The following TST variants were observed in gnomAD, a reference collection of about 807,000 sequenced individuals.
TST encodes thiosulfate sulfurtransferase.
TST carries 22 observed loss-of-function variants against 20.4 expected under a neutral mutation model. The observed-to-expected ratio is 1.08, with a 90% CI of 0.77 to 1.54. The LOEUF (loss-of-function observed/expected upper bound fraction) is 1.54, where lower values mean the gene tolerates loss of function less well. TST is among the 40% of genes most tolerant of loss of function. The pLI, the probability that TST is intolerant of heterozygous loss-of-function variation, is 0.00. For synonymous variants in TST, 187 were observed against 173.8 expected (o/e 1.08, Z -0.60); for missense variants, 392 against 405.2 (o/e 0.97, Z 0.28).
In TST at chr22:37,011,147, G is replaced by C; in HGVS notation, c.774C>G (p.Ala258=). Residue 258 remains alanine, a synonymous_variant, in exon 3 of 3, where the codon GCC becomes GCG. Coordinates refer to ENST00000249042, the MANE Select transcript of TST (RefSeq NM_003312.6). The stretch of plus-strand genomic sequence containing the variant: ...GCTTGCCGCAGAGGTAGGCAGCCAA[G>C]GCCACGTGGCAGGCGGTGACTCCCT... ...CRKGVTACHV[A]LAAYLCGKPD... is the part of the protein sequence containing the mutation. 6.2e-7 allele frequency: 1 copy of C among 1,613,792 alleles called. No individual in the cohort carries two copies. The highest frequency in any genetic ancestry group is 8.5e-7 in the Non-Finnish European group (1 of 1,180,034).
intron 2 of TST, among the ~76,000 whole-genome samples, chr22:37,012,729 C>A (rs1464298982): frequency 6.6e-6 from 1 of 152,200 alleles, no homozygotes; most frequent in Non-Finnish European, 1.5e-5. Flanking sequence ...GAGCCTCAGT[C>A]TCCCTCCTGC....
intron 2 of TST, among the ~76,000 whole-genome samples, chr22:37,012,685 G>A (rs1028246058): frequency 6.6e-6 from 1 of 152,170 alleles, no homozygotes; most frequent in African/African-American, 2.4e-5. Context: ...GCATATACTG[G>A]GGCTGGGTAC....
intron 1 of TST, chr22:37,019,099 G>A (rs1448179044): frequency 5.0e-5 from 10 of 198,336 alleles, no homozygotes; most frequent in Non-Finnish European, 1.0e-4. Flanking sequence ...TGCCCGGGAT[G>A]GGGGGCGATG....
intron 2 of TST, among the ~76,000 whole-genome samples, chr22:37,014,487 T>C (rs1922602480): frequency 6.6e-6 from 1 of 152,224 alleles, no homozygotes; most frequent in Non-Finnish European, 1.5e-5. Flanking sequence ...TGGCTCTCCC[T>C]GCCCCCAGCA....
In TST at chr22:37,018,237, C is replaced by T. The variant is rs370281300; in HGVS notation, c.496G>A (p.Glu166Lys). 150 of 1,613,842 alleles carry T rather than the reference C, an allele frequency of 9.3e-5. No individual in the cohort carries two copies. The highest frequency in any genetic ancestry group is 8.9e-4 in the East Asian group (40 of 44,892). ...TLDRSLLKTY[E>K]QVLENLESKR... is the part of the protein sequence containing the mutation. ...GATTCAAGGTTCTCCAGCACCTGCT[C>T]GTAGGTCTTGAGCAGGGAGCGGTCC... Residue 166 changes from glutamate (E) to lysine (K), a missense_variant, in exon 2 of 3, where the codon GAG (glutamate) becomes AAG (lysine). Transcript: ENST00000249042.
At chr22:37,017,989 C>G in intron 2 of TST, 149 bp downstream of exon 2, 2 of 621,390 alleles carry the variant, frequency 3.2e-6, no homozygotes, top group Non-Finnish European at 5.2e-6. Context: ...TTTGTCTCCA[C>G]TTTCTGGTTT....
Position 37,018,627 on chromosome 22 carries a change from A to G in TST, c.106T>C (p.Trp36Arg). The change falls in exon 2 of 3, where the codon TGG becomes CGG. Residue 36 changes from tryptophan (W) to arginine (R), a missense_variant. Transcript: ENST00000249042. Reference protein sequence around the residue: ...GPGLRVLDASWYSPGTREARK... With the variant: ...GPGLRVLDASRYSPGTREARK... ...GCCTCTCGGGTGCCTGGTGAGTACCAGGACGCGTCCAGCACCCGCAGGCCG... is the reference window on the plus strand; with the variant it reads ...GCCTCTCGGGTGCCTGGTGAGTACCGGGACGCGTCCAGCACCCGCAGGCCG... The G allele has an allele frequency of 1.3e-6, 2 of 1,572,888 alleles. No individual in the cohort carries two copies. Among genetic ancestry groups the G allele is most frequent in the Non-Finnish European group, 1.7e-6 (2 of 1,159,564 alleles).
intron 2 of TST, among the ~76,000 whole-genome samples, chr22:37,014,092 G>A (rs532929540): frequency 0.36 from 124 of 342 alleles, 1 homozygote; most frequent in Non-Finnish European, 0.26. Flanking sequence ...GGCCGGGCGC[G>A]GTGGCTACGC....
rs900257476 is a variant in TST, at chr22:37,011,067, G to A, written c.854C>T (p.Pro285Leu). 3.1e-6 allele frequency: 5 copies of A among 1,611,736 alleles called. No individual in the cohort carries two copies. Among genetic ancestry groups the A allele is most frequent in the African/African-American group, 1.3e-5 (1 of 74,868 alleles). ...SWSEWFRRAP[P>L]ESRVSQGKSE... ...CTTTCCCTGGGACACACGGCTCTCTGGGGGGGCCCGGCGAAACCACTCGGA... is the reference window on the plus strand; with the variant it reads ...CTTTCCCTGGGACACACGGCTCTCTAGGGGGGCCCGGCGAAACCACTCGGA... The change falls in exon 3 of 3, where the codon CCA (proline) becomes CTA (leucine). Residue 285 changes from proline to leucine, a missense_variant. By Grantham distance (98) the Pro-to-Leu change is moderately conservative (BLOSUM62 -3). Coordinates refer to ENST00000249042, the MANE Select transcript of TST (RefSeq NM_003312.6).
rs1188898003 is a variant in TST at position 37,015,501 on chromosome 22, C to T, written c.595+2637G>A. ...CCTGAGGCTAAGCATCAGTATCACA[C>T]CTGGATGGAACCTCAGATCTGGCTG... On this transcript the variant is annotated intron_variant, in intron 2 of 2. Coordinates refer to ENST00000249042, the MANE Select transcript of TST (RefSeq NM_003312.6). 3.3e-5 allele frequency among the ~76,000 whole-genome samples: 5 copies of T among 152,250 alleles called. No individual in the cohort carries two copies. The East Asian group carries it at 9.6e-4, about 29-fold the overall frequency.
rs183467100 is a variant in TST at position 37,012,673 on chromosome 22, A to G, written c.596-1348T>C. Reference sequence around the variant, plus strand: ...GGGAAGGATCTGACTAGTGTGGCCAAGGCATATACTGGGGCTGGGTACAGC... The same window carrying G: ...GGGAAGGATCTGACTAGTGTGGCCAGGGCATATACTGGGGCTGGGTACAGC... On this transcript the variant is annotated intron_variant, in intron 2 of 2. Transcript: ENST00000249042. Among the ~76,000 whole-genome samples the G allele has an allele frequency of 3.9e-5, 6 of 152,338 alleles. No individual in the cohort carries two copies. The East Asian group carries it at 9.7e-4, about 25-fold the overall frequency.
intron 2 of TST, among the ~76,000 whole-genome samples, chr22:37,017,520 C>T (rs1922723694): frequency 6.6e-6 from 1 of 152,202 alleles, no homozygotes; most frequent in African/African-American, 2.4e-5. Context: ...AAAACAGGGG[C>T]ATTGAGCTTT....
Position 37,010,997 on chromosome 22 carries a change from G to A in TST, c.*30C>T, listed in dbSNP as rs373574226. 65 of 1,583,090 alleles carry A rather than the reference G, an allele frequency of 4.1e-5. No individual in the cohort carries two copies. Among genetic ancestry groups the A allele is most frequent in the Non-Finnish European group, 5.1e-5 (59 of 1,161,304 alleles). On this transcript the variant is annotated 3_prime_UTR_variant, in exon 3 of 3. Coordinates refer to ENST00000249042, the MANE Select transcript of TST (RefSeq NM_003312.6). ...AAGTCATGGGGTCACTAAACCGGCC[G>A]CAGTTACAGTAAGCAGAAGAGGTCA... is the stretch of plus-strand genomic sequence containing the variant.
chr22:37,018,778 G>A, intron 1 of TST, 25 bp from the exon 2 acceptor site: 1 of 1,427,252 alleles, frequency 7.0e-7, no homozygotes, highest in Non-Finnish European at 9.2e-7. Flanking sequence ...AACCAGGAAA[G>A]AGAGACAGGC....
Position 37,011,099 on chromosome 22 carries a change from G to A in TST, c.822C>T (p.Gly274=), listed in dbSNP as rs775444772. ...CCCGGCGAAACCACTCGGACCAGGAGCCATCGTACACGGCCACATCAGGCT... is the reference window on the plus strand; with the variant it reads ...CCCGGCGAAACCACTCGGACCAGGAACCATCGTACACGGCCACATCAGGCT... ...CGKPDVAVYD[G]SWSEWFRRAP... is the part of the protein sequence containing the mutation. The change falls in exon 3 of 3, where the codon GGC becomes GGT. Residue 274 remains glycine, a synonymous_variant. Transcript: ENST00000249042. The A allele has an allele frequency of 6.2e-6, 10 of 1,613,266 alleles. No homozygotes were observed. Among genetic ancestry groups the A allele is most frequent in the South Asian group, 5.5e-5 (5 of 91,066 alleles).
intron 2 of TST, among the ~76,000 whole-genome samples, chr22:37,016,461 C>A (rs1922684658): frequency 6.6e-6 from 1 of 152,038 alleles, no homozygotes; most frequent in Non-Finnish European, 1.5e-5. Flanking sequence ...CTTCAGCATC[C>A]CGGGCCTTCA....
intron 1 of TST, 108 bp from the exon 2 acceptor site, chr22:37,018,861 G>A: frequency 2.5e-6 from 2 of 796,544 alleles, no homozygotes. Context: ...CACTCCCCCG[G>A]GTTCCTTGTT....
At position 37,011,355 on chromosome 22, in the gene TST, G is replaced by A. The variant is rs372651841; in HGVS notation, c.596-30C>T. The A allele has an allele frequency of 1.9e-6, 3 of 1,590,840 alleles. No individual in the cohort carries two copies. In the African/African-American group the frequency reaches 4.0e-5, roughly 21 times the overall value. On this transcript the variant is annotated intron_variant, in intron 2 of 2. Transcript: ENST00000249042. ...GCAGGGCAGAGGACACAGCTTAGGG[G>A]ATGTATGAGGGGTGGGGACTAATGG... is the stretch of plus-strand genomic sequence containing the variant.
chr22:37,015,460 G>C (rs1433496339), intron 2 of TST, among the ~76,000 whole-genome samples: 1 of 152,212 alleles, frequency 6.6e-6, no homozygotes, highest in African/African-American at 2.4e-5. Context: ...ACAACAGTTA[G>C]CGGTGAAGGC....
Sources: gnomAD v4.1 joint callset for allele counts (sites outside exome capture counted in the v4.1 genomes callset) on GRCh38, gnomAD v4.1.1 for gene constraint, MANE v1.5 for transcripts, NCBI Gene and HGNC (gene_info 2026-07-23, HGNC 2026-07-21) for gene names.